The following ZBTB38 variants were observed in gnomAD, a reference collection of about 807,000 sequenced individuals.
The protein encoded by ZBTB38 is zinc finger and BTB domain containing 38, also known as zinc finger and BTB domain-containing protein 38.
ZBTB38 carries 20 observed loss-of-function variants against 76.8 expected under a neutral mutation model. The observed-to-expected ratio is 0.26, with a 90% confidence interval of 0.18 to 0.38. The LOEUF (loss-of-function observed/expected upper bound fraction) is 0.38, where lower values mean the gene tolerates loss of function less well. Among genes scored for constraint, ZBTB38 ranks in the 10% least tolerant of loss-of-function variants. The pLI, the probability that ZBTB38 is intolerant of heterozygous loss-of-function variation, is 1.00. For synonymous variants in ZBTB38, 504 were observed against 544.2 expected, an observed-to-expected ratio of 0.93 and a Z score of 1.03; for missense variants, 1,082 against 1,482.3, an observed-to-expected ratio of 0.73 and a Z score of 4.43.
intron 1 of ZBTB38, among the ~76,000 whole-genome samples, chr3:141,359,728 C>G (rs534107587): frequency 6.6e-6 from 1 of 151,844 alleles, no homozygotes; most frequent in African/African-American, 2.4e-5. Context: ...CCCAGGAGTT[C>G]GAGACTGGCC....
chr3:141,335,885 C>T (rs1243344942), intron 1 of ZBTB38, among the ~76,000 whole-genome samples: 4 of 152,210 alleles, frequency 2.6e-5, no homozygotes, highest in African/African-American at 9.7e-5. Flanking sequence ...CACCCCAGCA[C>T]CTAGCACAAT....
chr3:141,390,646 C>T (rs1330459453), intron 4 of ZBTB38, among the ~76,000 whole-genome samples: 1 of 152,138 alleles, frequency 6.6e-6, no homozygotes, highest in Non-Finnish European at 1.5e-5. Flanking sequence ...TCTTTAAGTT[C>T]CTGGTACCAT....
At chr3:141,365,486 T>C (rs1168429408), upstream of ZBTB38, among the ~76,000 whole-genome samples, 2 of 152,172 alleles carry the variant, frequency 1.3e-5, no homozygotes, top group African/African-American at 4.8e-5. Context: ...CACAAGTCTC[T>C]CTCTTGTGAT....
At chr3:141,378,034 G>C (rs572606358) in intron 2 of ZBTB38, among the ~76,000 whole-genome samples, 3 of 151,986 alleles carry the variant, frequency 2.0e-5, no homozygotes, top group Non-Finnish European at 4.4e-5. Context: ...CAAAACTAGC[G>C]GGATATGTGG....
At chr3:141,348,636 T>A (rs2148926988) in intron 1 of ZBTB38, among the ~76,000 whole-genome samples, 1 of 152,302 alleles carries the variant, frequency 6.6e-6, no homozygotes, top group African/African-American at 2.4e-5. Flanking sequence ...CTCGTCTTAC[T>A]CAAGCTTAAA....
intron 4 of ZBTB38, among the ~76,000 whole-genome samples, chr3:141,393,833 C>T (rs955793674): frequency 6.6e-6 from 1 of 152,122 alleles, no homozygotes; most frequent in Non-Finnish European, 1.5e-5. Flanking sequence ...TGCAGGCCTA[C>T]GGCATACAGA....
chr3:141,410,119 G>A (rs947697193), intron 5 of ZBTB38, among the ~76,000 whole-genome samples: 6 of 152,194 alleles, frequency 3.9e-5, no homozygotes, highest in African/African-American at 1.2e-4. Flanking sequence ...AAAAGCAGAG[G>A]TGCTGGGACA....
chr3:141,402,077 C>T (rs898410226), intron 4 of ZBTB38, among the ~76,000 whole-genome samples: 2 of 152,358 alleles, frequency 1.3e-5, no homozygotes, highest in Admixed American at 1.3e-4. Flanking sequence ...CGTTGTCCTT[C>T]GGCAGGTTCT....
chr3:141,443,674 T>G lies in ZBTB38; in HGVS notation c.1286T>G (p.Leu429Ter). ...TCATTCACAGGTCCAGAACCTTTATTATCTGAAAATAGGATTGGTGAATTT... is the reference window on the plus strand; with the variant it reads ...TCATTCACAGGTCCAGAACCTTTATGATCTGAAAATAGGATTGGTGAATTT... ...GGSFTGPEPL[L>*]SENRIGEFSS... The change falls in exon 6 of 6, where the codon TTA becomes TGA. Residue 429 changes from leucine (L) to a stop codon, truncating the protein, a stop_gained. Coordinates refer to ENST00000321464, the MANE Select transcript of ZBTB38 (RefSeq NM_001376113.1). LOFTEE classifies it high-confidence loss of function. This position sits in a 1 kb window ranked among gnomAD's most constrained non-coding sequence, Gnocchi z 5.6. 1 of 1,614,186 alleles carries G rather than the reference T, an allele frequency of 6.2e-7. No homozygotes were observed. The highest frequency in any genetic ancestry group is 8.5e-7 in the Non-Finnish European group (1 of 1,180,040).
At chr3:141,373,444 T>C (rs949220428) in intron 2 of ZBTB38, among the ~76,000 whole-genome samples, 2 of 152,216 alleles carry the variant, frequency 1.3e-5, no homozygotes, top group Non-Finnish European at 2.9e-5. Context: ...TTGAGTATTT[T>C]AATCCCTGAG....
chr3:141,389,877 C>A (rs1948313817), intron 4 of ZBTB38: 1 of 152,208 alleles, frequency 6.6e-6, no homozygotes, highest in Non-Finnish European at 1.5e-5. Context: ...AATGTCGATT[C>A]TTTTGTTTGT....
chr3:141,440,048 T>C (rs925373339), intron 5 of ZBTB38, among the ~76,000 whole-genome samples: 4 of 152,196 alleles, frequency 2.6e-5, no homozygotes, highest in Admixed American at 2.0e-4. Context: ...CCATTTCATT[T>C]CATTCTAGTT....
intron 2 of ZBTB38, among the ~76,000 whole-genome samples, chr3:141,373,619 A>C (rs1944942674): frequency 6.6e-6 from 1 of 152,178 alleles, no homozygotes; most frequent in South Asian, 2.1e-4. Flanking sequence ...TCACACTGAA[A>C]TCCCCTAATT....
chr3:141,410,833 A>C (rs900841130), intron 5 of ZBTB38, among the ~76,000 whole-genome samples: 1 of 152,218 alleles, frequency 6.6e-6, no homozygotes, highest in African/African-American at 2.4e-5. Context: ...ACATTTACGC[A>C]GGGAGAGAGG....
At chr3:141,380,943 G>T (rs1458627958) in intron 2 of ZBTB38, among the ~76,000 whole-genome samples, 1 of 152,138 alleles carries the variant, frequency 6.6e-6, no homozygotes, top group African/African-American at 2.4e-5. Flanking sequence ...GATTTTTATG[G>T]ATCTGTAAGA....
At chr3:141,352,617 G>T (rs1045074285) in intron 1 of ZBTB38, among the ~76,000 whole-genome samples, 3 of 152,068 alleles carry the variant, frequency 2.0e-5, no homozygotes, top group African/African-American at 7.2e-5. Context: ...GGAACTGGGG[G>T]AGAACTTAAA....
At chr3:141,398,831 T>C (rs952906157) in intron 4 of ZBTB38, among the ~76,000 whole-genome samples, 5 of 152,238 alleles carry the variant, frequency 3.3e-5, no homozygotes, top group African/African-American at 7.2e-5. Flanking sequence ...CAAAACATCA[T>C]AGCATTCAAA....
rs1461621922 is a variant in ZBTB38 at position 141,442,212 on chromosome 3, C to A, written c.1-177C>A. The stretch of plus-strand genomic sequence containing the variant: ...CAATGGTATGAGAAACAGGCTGGGG[C>A]AAGAAAAAGATTTAGCTTCTAATGT... On this transcript the variant is annotated intron_variant, in intron 5 of 5. Coordinates refer to ENST00000321464, the MANE Select transcript of ZBTB38 (RefSeq NM_001376113.1). The surrounding 1 kb of genome is among the most constrained non-coding windows in gnomAD (Gnocchi z 6.4). 6.6e-6 allele frequency among the ~76,000 whole-genome samples: 1 copy of A among 151,902 alleles called. No homozygotes were observed. Among genetic ancestry groups the A allele is most frequent in the Non-Finnish European group, 1.5e-5 (1 of 67,974 alleles).
Position 141,445,977 on chromosome 3 carries a change from G to A in ZBTB38, c.*1G>A. The A allele has an allele frequency of 1.9e-6, 3 of 1,556,802 alleles. No homozygotes were observed. Among genetic ancestry groups the A allele is most frequent in the Non-Finnish European group, 2.6e-6 (3 of 1,159,052 alleles). On this transcript the variant is annotated 3_prime_UTR_variant, in exon 6 of 6. Coordinates refer to ENST00000321464, the MANE Select transcript of ZBTB38 (RefSeq NM_001376113.1). This position sits in a 1 kb window ranked among gnomAD's most constrained non-coding sequence, Gnocchi z 6.5. ...CGGTGTGGAAAATGTTGTCCTTTGA[G>A]TGGCAAGAATTAGAAAAATCTTCAA... is the stretch of plus-strand genomic sequence containing the variant.
Sources: gnomAD v4.1 joint callset for allele counts (sites outside exome capture counted in the v4.1 genomes callset) on GRCh38, gnomAD v4.1.1 for gene constraint, Gnocchi (gnomAD v3.1) non-coding constraint, MANE v1.5 for transcripts, NCBI Gene and HGNC (gene_info 2026-07-23, HGNC 2026-07-21) for gene names.